Variants in FER observed in about 807,000 individuals in gnomAD.
The protein encoded by FER is FER tyrosine kinase.
In FER, 63 loss-of-function variants were observed where a neutral mutation model predicts 111.0. The ratio of observed to expected loss-of-function variants is 0.57; its 90% confidence interval spans 0.46 to 0.70. The LOEUF (loss-of-function observed/expected upper bound fraction) is 0.70, where lower values mean the gene tolerates loss of function less well. FER is among the 30% of genes least tolerant of loss of function. The probability of loss-of-function intolerance (pLI) is 0.00; values close to 1 mark genes in which losing one functional copy is unlikely to be tolerated. For synonymous variants in FER, 327 were observed against 313.9 expected (o/e 1.04, Z -0.44); for missense variants, 914 against 954.0 (o/e 0.96, Z 0.55).
At chr5:108,828,473 G>A (rs912121858) in intron 3 of FER, among the ~76,000 whole-genome samples, 2 of 151,994 alleles carry the variant, frequency 1.3e-5, no homozygotes, top group African/African-American at 2.4e-5. Flanking sequence ...TGGAATTTTT[G>A]TCTAGTCTAG....
chr5:109,115,531 A>G (rs1315489251), intron 17 of FER, among the ~76,000 whole-genome samples: 4 of 152,174 alleles, frequency 2.6e-5, no homozygotes, highest in African/African-American at 9.7e-5. Flanking sequence ...GTTCGTTTAT[A>G]ATAATTGTTA....
chr5:108,826,009 G>A (rs554272097), intron 3 of FER, among the ~76,000 whole-genome samples: 1 of 151,938 alleles, frequency 6.6e-6, no homozygotes, highest in Non-Finnish European at 1.5e-5. Flanking sequence ...TCTTTTTTCC[G>A]ATTTTAGAGG....
chr5:108,918,546 G>A (rs751401403), intron 10 of FER, among the ~76,000 whole-genome samples: 15 of 151,310 alleles, frequency 9.9e-5, no homozygotes, highest in Non-Finnish European at 1.9e-4. Context: ...GAGTGCAGTG[G>A]TGCGATCTCT....
intron 17 of FER, among the ~76,000 whole-genome samples, chr5:109,126,043 G>T (rs896370050): frequency 4.6e-5 from 7 of 151,926 alleles, no homozygotes; most frequent in Admixed American, 1.3e-4. Context: ...CCAGTAATTG[G>T]CTGAGTTCCA....
intron 18 of FER, among the ~76,000 whole-genome samples, chr5:109,183,648 C>T (rs187911904): frequency 6.6e-6 from 1 of 152,136 alleles, no homozygotes; most frequent in African/African-American, 2.4e-5. Context: ...AGTATGGGGT[C>T]GGGGTGGATG....
At chr5:108,766,387 A>G (rs1470603422) in intron 1 of FER, among the ~76,000 whole-genome samples, 1 of 152,232 alleles carries the variant, frequency 6.6e-6, no homozygotes, top group Admixed American at 6.5e-5. Context: ...CACTTGTTTG[A>G]TGGCTACTGT....
intron 13 of FER, among the ~76,000 whole-genome samples, chr5:108,990,094 C>T (rs1226942689): frequency 2.0e-5 from 3 of 151,752 alleles, no homozygotes; most frequent in Non-Finnish European, 2.9e-5. Flanking sequence ...TTTTTTCTGT[C>T]ACAGTCATAT....
At chr5:109,075,700 T>G (rs200263176) in intron 16 of FER, among the ~76,000 whole-genome samples, 8 of 152,116 alleles carry the variant, frequency 5.3e-5, no homozygotes, top group Non-Finnish European at 8.8e-5. Context: ...TGGGATTACA[T>G]GCGTGAACCA....
At chr5:108,972,792 C>T (rs970771570) in intron 13 of FER, among the ~76,000 whole-genome samples, 4 of 152,082 alleles carry the variant, frequency 2.6e-5, no homozygotes, top group Non-Finnish European at 4.4e-5. Flanking sequence ...TGGCTTTTAA[C>T]GATTCCAGAG....
intron 16 of FER, among the ~76,000 whole-genome samples, chr5:109,096,041 C>T (rs1747469381): frequency 1.3e-5 from 2 of 152,038 alleles, no homozygotes; most frequent in Non-Finnish European, 1.5e-5. Flanking sequence ...CTGATGATCT[C>T]TTCTCTCCAA....
intron 17 of FER, among the ~76,000 whole-genome samples, chr5:109,151,999 C>T (rs74527450): frequency 0.01 from 1,587 of 152,160 alleles, 23 homozygotes; most frequent in African/African-American, 0.036. Context: ...CTGAGACTTT[C>T]GGGCAACCGT....
At chr5:109,032,527 A>G (rs1015018650) in intron 13 of FER, among the ~76,000 whole-genome samples, 1 of 152,152 alleles carries the variant, frequency 6.6e-6, no homozygotes, top group Admixed American at 6.6e-5. Flanking sequence ...GAGAACCCAA[A>G]CTAAGACAGG....
At position 109,188,238 on chromosome 5, in the gene FER, A is replaced by G. The variant is rs1759092227; in HGVS notation, c.*663A>G. On this transcript the variant is annotated 3_prime_UTR_variant, in exon 20 of 20. Transcript: ENST00000281092. ...TCGGGCACGGTGGCTCACGCCTGTA[A>G]TCCCAGGCATGTAATCTCATGCCTG... 1.4e-5 allele frequency: 2 copies of G among 145,070 alleles called. No individual in the cohort carries two copies. The highest frequency in any genetic ancestry group is 4.4e-4 in the South Asian group (2 of 4,576). 9.0% of individuals were successfully genotyped at this position (145,070 alleles called of 1,614,324 possible). A position where few individuals can be genotyped will look rare whatever the true frequency, so the allele number is the denominator to read the frequency against.
chr5:109,076,744 G>T (rs985252076), intron 16 of FER, among the ~76,000 whole-genome samples: 1 of 152,132 alleles, frequency 6.6e-6, no homozygotes, highest in Non-Finnish European at 1.5e-5. Flanking sequence ...GGCCTGTAAG[G>T]TTGTTTCAAA....
intron 17 of FER, among the ~76,000 whole-genome samples, chr5:109,161,016 C>A (rs532665846): frequency 8.5e-5 from 13 of 152,150 alleles, no homozygotes; most frequent in Non-Finnish European, 1.9e-4. Context: ...CTCCAAGGTG[C>A]ACTAAAAGCT....
chr5:109,144,803 G>T (rs953315734), intron 17 of FER, among the ~76,000 whole-genome samples: 1 of 152,084 alleles, frequency 6.6e-6, no homozygotes, highest in African/African-American at 2.4e-5. Context: ...GGAACCTTAG[G>T]AGATATGAGG....
intron 10 of FER, among the ~76,000 whole-genome samples, chr5:108,903,804 A>C (rs1488817350): frequency 6.6e-6 from 1 of 152,220 alleles, no homozygotes; most frequent in Admixed American, 6.5e-5. Flanking sequence ...TTTCTTATTC[A>C]TAAAGGAAAA....
At position 108,887,339 on chromosome 5, in the gene FER, A is replaced by G. The variant is rs549912453; in HGVS notation, c.1046+3821A>G. On this transcript the variant is annotated intron_variant, in intron 9 of 19. Coordinates refer to ENST00000281092, the MANE Select transcript of FER (RefSeq NM_005246.4). ...CTAAAATATCTAATGACAGTGAAAA[A>G]ATAAATTATATGATAAATCATTTGA... Among the ~76,000 whole-genome samples the G allele has an allele frequency of 5.9e-5, 9 of 151,790 alleles. No homozygotes were observed. In the South Asian group the frequency reaches 1.9e-3, roughly 32 times the overall value.
intron 16 of FER, among the ~76,000 whole-genome samples, chr5:109,091,807 C>A (rs987287933): frequency 2.0e-5 from 3 of 152,260 alleles, no homozygotes; most frequent in East Asian, 1.9e-4. Context: ...TGGACACACA[C>A]ACTTCTTACC....
Sources: allele counts gnomAD v4.1 joint callset (sites outside exome capture counted in the v4.1 genomes callset), GRCh38; gene constraint gnomAD v4.1.1; transcripts MANE v1.5; gene names NCBI Gene and HGNC (gene_info 2026-07-23, HGNC 2026-07-21).